Variants in FOXP1 observed in about 807,000 individuals in gnomAD.
The protein encoded by FOXP1 is forkhead box P1, also known as forkhead box protein P1.
Under a neutral mutation model 98.2 loss-of-function variants are expected in FOXP1, and 15 were observed. The observed-to-expected ratio is 0.15, with a 90% CI of 0.10 to 0.24. FOXP1 has a LOEUF of 0.24. Ranked by LOEUF, FOXP1 falls within the 10% of genes least tolerant of loss-of-function variation. FOXP1 has a pLI of 1.00. For synonymous variants in FOXP1, 371 were observed against 314.5 expected, an observed-to-expected ratio of 1.18 and a Z score of -1.90; for missense variants, 633 against 848.5, an observed-to-expected ratio of 0.75 and a Z score of 3.15.
At chr3:71,556,347 G>A (rs1006538616) in intron 2 of FOXP1, among the ~76,000 whole-genome samples, 6 of 152,066 alleles carry the variant, frequency 3.9e-5, no homozygotes, top group Non-Finnish European at 4.4e-5. Flanking sequence ...GGAGGCCGAC[G>A]TGAGCAGATC....
intron 7 of FOXP1, among the ~76,000 whole-genome samples, chr3:71,105,154 T>G (rs939167609): frequency 1.3e-5 from 2 of 152,210 alleles, no homozygotes; most frequent in African/African-American, 2.4e-5. Flanking sequence ...GCCTAGCAAC[T>G]GTACATGCCC....
At position 70,972,008 on chromosome 3, in the gene FOXP1, T is replaced by TA; in HGVS notation, c.1652+546dup. 4 of 1,425,240 alleles carry TA rather than the reference T, an allele frequency of 2.8e-6. No individual in the cohort carries two copies. Among genetic ancestry groups the TA allele is most frequent in the Non-Finnish European group, 2.7e-6 (3 of 1,094,266 alleles). The allele number at this position is 1,425,240 out of a possible 1,614,324, so 88.3% of individuals were successfully genotyped here. A position where few individuals can be genotyped will look rare whatever the true frequency, so the allele number is the denominator to read the frequency against. The stretch of plus-strand genomic sequence containing the variant: ...AAAAACAAAAGCAAGTAAAGGCTCT[T>TA]ACTGTGCGACAAGCTCGTCAAAGTT... On this transcript the variant is annotated intron_variant, in intron 18 of 20. Coordinates refer to ENST00000649528, the MANE Select transcript of FOXP1 (RefSeq NM_001349338.3).
chr3:71,494,488 C>T (rs560639382), intron 2 of FOXP1, among the ~76,000 whole-genome samples: 125 of 152,308 alleles, frequency 8.2e-4, no homozygotes, highest in Non-Finnish European at 1.3e-3. Context: ...GCTTAGAATG[C>T]TAAGCCTGGC....
At chr3:71,322,768 C>T (rs1256197960) in intron 4 of FOXP1, among the ~76,000 whole-genome samples, 1 of 152,120 alleles carries the variant, frequency 6.6e-6, no homozygotes, top group East Asian at 1.9e-4. Flanking sequence ...TCTGGACTTA[C>T]TGTGGAAAAC....
At chr3:71,056,645 T>G (rs1391131046) in intron 7 of FOXP1, among the ~76,000 whole-genome samples, 1 of 152,134 alleles carries the variant, frequency 6.6e-6, no homozygotes, top group Non-Finnish European at 1.5e-5. Flanking sequence ...TGAAACCACG[T>G]TTTCATGCCA....
At chr3:71,130,962 C>T (rs543254350) in intron 6 of FOXP1, 33 of 1,199,762 alleles carry the variant, frequency 2.8e-5, no homozygotes, top group African/African-American at 6.2e-5. Context: ...AGCTCATTCA[C>T]GCAGACAAAT....
intron 4 of FOXP1, among the ~76,000 whole-genome samples, chr3:71,308,616 C>T (rs1161920973): frequency 6.6e-6 from 1 of 152,098 alleles, no homozygotes; most frequent in East Asian, 1.9e-4. Context: ...AACTGGAAAT[C>T]TGTGCACAAC....
chr3:71,439,032 G>A (rs772431223), intron 3 of FOXP1, among the ~76,000 whole-genome samples: 18 of 152,184 alleles, frequency 1.2e-4, no homozygotes, highest in Non-Finnish European at 2.1e-4. Context: ...ACACCAGCTC[G>A]CTGCTCTCAC....
At chr3:71,546,404 T>C (rs1008878027) in intron 2 of FOXP1, among the ~76,000 whole-genome samples, 9 of 152,190 alleles carry the variant, frequency 5.9e-5, no homozygotes, top group Non-Finnish European at 1.0e-4. Flanking sequence ...TATTTTCAGG[T>C]CCTTAATGGT....
intron 2 of FOXP1, among the ~76,000 whole-genome samples, chr3:71,525,403 G>C (rs1300579858): frequency 1.3e-5 from 2 of 152,190 alleles, no homozygotes; most frequent in Non-Finnish European, 2.9e-5. Context: ...AAAAGGCAGT[G>C]GTTTCACTGG....
chr3:71,114,056 T>C (rs1395778377), intron 6 of FOXP1, among the ~76,000 whole-genome samples: 2 of 152,182 alleles, frequency 1.3e-5, no homozygotes, highest in Non-Finnish European at 2.9e-5. Context: ...TCTTATTATA[T>C]CAATAATAAT....
intron 6 of FOXP1, among the ~76,000 whole-genome samples, chr3:71,177,394 A>T (rs546165897): frequency 6.6e-6 from 1 of 152,352 alleles, no homozygotes; most frequent in Admixed American, 6.5e-5. Flanking sequence ...CAGCAAGAAA[A>T]GTTGGGTTGA....
intron 3 of FOXP1, among the ~76,000 whole-genome samples, chr3:71,422,002 A>T (rs772136781): frequency 1.2e-4 from 19 of 152,206 alleles, no homozygotes; most frequent in Admixed American, 2.0e-4. Context: ...AAATTTTCAA[A>T]CAACCCAGCC....
At chr3:71,323,708 T>G (rs143048659) in intron 4 of FOXP1, among the ~76,000 whole-genome samples, 1,539 of 152,322 alleles carry the variant, frequency 0.01, 29 homozygotes, top group African/African-American at 0.035. Flanking sequence ...GGACACAGAA[T>G]AGTTTTCACG....
At chr3:71,541,177 T>C (rs1002302676) in intron 2 of FOXP1, among the ~76,000 whole-genome samples, 5 of 152,250 alleles carry the variant, frequency 3.3e-5, no homozygotes, top group Admixed American at 2.0e-4. Context: ...CTTTCAATTA[T>C]TAGGTAATCA....
At chr3:71,517,600 A>G (rs906710590) in intron 2 of FOXP1, among the ~76,000 whole-genome samples, 3 of 152,244 alleles carry the variant, frequency 2.0e-5, no homozygotes, top group Non-Finnish European at 4.4e-5. Context: ...TTCCAGGAAC[A>G]CTGAACTGGT....
chr3:71,129,923 C>T (rs1010454167), intron 6 of FOXP1, among the ~76,000 whole-genome samples: 1 of 152,172 alleles, frequency 6.6e-6, no homozygotes, highest in African/African-American at 2.4e-5. Context: ...TTCCCTTTCC[C>T]TCTGCAGCCC....
intron 2 of FOXP1, chr3:71,542,007 C>G: frequency 1.9e-6 from 1 of 534,236 alleles, no homozygotes; most frequent in Non-Finnish European, 3.8e-6. Context: ...GTTTCCAATA[C>G]AAACATGGGC....
At chr3:71,028,818 G>A (rs1174989034) in intron 11 of FOXP1, among the ~76,000 whole-genome samples, 1 of 152,198 alleles carries the variant, frequency 6.6e-6, no homozygotes, top group African/African-American at 2.4e-5. Context: ...CCATGTGGGG[G>A]TAATGGGAGA....
Sources: allele counts gnomAD v4.1 joint callset (sites outside exome capture counted in the v4.1 genomes callset), GRCh38; gene constraint gnomAD v4.1.1; transcripts MANE v1.5; gene names NCBI Gene and HGNC (gene_info 2026-07-23, HGNC 2026-07-21).